Variants in TGM5 observed in about 807,000 individuals in gnomAD.
The protein encoded by TGM5 is protein-glutamine gamma-glutamyltransferase 5.
TGM5 carries 69 observed loss-of-function variants against 77.2 expected under a neutral mutation model. That is an observed-to-expected ratio of 0.89 (90% CI 0.74 to 1.09). The LOEUF is 1.09. Ranked by LOEUF, TGM5 falls within the 50% of genes least tolerant of loss-of-function variation. The pLI is 0.00. For synonymous variants in TGM5, 346 were observed against 351.8 expected, an observed-to-expected ratio of 0.98 and a Z score of 0.18; for missense variants, 842 against 896.5, an observed-to-expected ratio of 0.94 and a Z score of 0.78.
In TGM5 at chr15:43,235,612, C is replaced by CAT. The variant is rs752629588; in HGVS notation, c.1569_1570dup (p.Cys524TyrfsTer19). 14 of 1,614,068 alleles carry CAT rather than the reference C, an allele frequency of 8.7e-6. No individual in the cohort carries two copies. Among genetic ancestry groups the CAT allele is most frequent in the Admixed American group, 1.7e-5 (1 of 60,004 alleles). Reference sequence around the variant, plus strand: ...CATGTTGAGGGCCAGCAGGACAAAGCATATATCCTGGCCCATGTTGGGCGG... The same window carrying CAT: ...CATGTTGAGGGCCAGCAGGACAAAGCATATATATCCTGGCCCATGTTGGGCGG... On this transcript the variant is annotated frameshift_variant, in exon 10 of 13. Coordinates refer to ENST00000220420, the MANE Select transcript of TGM5 (RefSeq NM_201631.4). LOFTEE classifies it high-confidence loss of function.
chr15:43,234,944 CA>C lies in TGM5; in HGVS notation c.1715-16del, dbSNP rs2042577218. On this transcript the variant is annotated splice_polypyrimidine_tract_variant and intron_variant, in intron 10 of 12. Transcript: ENST00000220420. Reference sequence around the variant, plus strand: ...GTAGGTCTTTGCTAAAGAAAGAACACAAGGATGGGGTGAGAGTAGCTGAGAA... The same window carrying C: ...GTAGGTCTTTGCTAAAGAAAGAACACAGGATGGGGTGAGAGTAGCTGAGAA... The C allele has an allele frequency of 8.1e-6, 13 of 1,613,566 alleles. No homozygotes were observed. In the East Asian group the frequency reaches 2.5e-4, roughly 30 times the overall value.
chr15:43,257,255 G>T (rs894835293), intron 3 of TGM5, among the ~76,000 whole-genome samples: 5 of 152,140 alleles, frequency 3.3e-5, no homozygotes, highest in African/African-American at 1.2e-4. Flanking sequence ...TGTTATTGGG[G>T]AGTAGTTAGA....
At position 43,241,719 on chromosome 15, in the gene TGM5, C is replaced by T. The variant is rs1332508257; in HGVS notation, c.863-729G>A. Among the ~76,000 whole-genome samples the T allele has an allele frequency of 1.8e-4, 27 of 152,194 alleles. No individual in the cohort carries two copies. The East Asian group carries it at 4.4e-3, about 25-fold the overall frequency. ...AAAAAAATCGCACTCCAGCCTCCTC[C>T]TCCTCCCGGGTTCAAGCAATTCTCC... On this transcript the variant is annotated intron_variant, in intron 6 of 12. Coordinates refer to ENST00000220420, the MANE Select transcript of TGM5 (RefSeq NM_201631.4).
At chr15:43,262,884 A>G (rs1408526109) in intron 1 of TGM5, among the ~76,000 whole-genome samples, 1 of 152,252 alleles carries the variant, frequency 6.6e-6, no homozygotes, top group Admixed American at 6.5e-5. Context: ...AGCTAGGGCT[A>G]TTAGGCAAAA....
chr15:43,252,774 C>G lies in TGM5; in HGVS notation c.847G>C (p.Ala283Pro). The G allele has an allele frequency of 1.2e-6, 2 of 1,614,004 alleles. No individual in the cohort carries two copies. The highest frequency in any genetic ancestry group is 1.7e-6 in the Non-Finnish European group (2 of 1,180,044). ...VRYGQCWVFA[A>P]VMCTVMRCLG... ...TACCTCCTACCTGTGCACATGACGGCAGCAAAGACCCAGCATTGCCCGTAG... is the reference window on the plus strand; with the variant it reads ...TACCTCCTACCTGTGCACATGACGGGAGCAAAGACCCAGCATTGCCCGTAG... Residue 283 changes from alanine (A) to proline (P), a missense_variant, in exon 6 of 13, where the codon GCC (alanine) becomes CCC (proline). Physicochemically the swap from Ala to Pro is conservative, Grantham distance 27. Around this residue, in one of 2 missense-constraint regions of TGM5, gnomAD observed 815 missense variants for 844.6 expected, o/e 0.96. Transcript: ENST00000220420.
chr15:43,239,821 G>A (rs2142359426), intron 7 of TGM5: 1 of 171,038 alleles, frequency 5.8e-6, no homozygotes, highest in African/African-American at 2.4e-5. Flanking sequence ...ACTGTCTCAT[G>A]AAACAGTCTT....
chr15:43,264,606 G>A (rs1456395202), intron 1 of TGM5, among the ~76,000 whole-genome samples: 3 of 152,174 alleles, frequency 2.0e-5, no homozygotes. Context: ...CTTGCTAGGA[G>A]CTAAAGAAAG....
intron 5 of TGM5, 52 bp from the exon 6 acceptor site, chr15:43,252,988 G>A (rs755284716): frequency 1.3e-6 from 2 of 1,591,158 alleles, no homozygotes; most frequent in East Asian, 2.2e-5. Flanking sequence ...TCCTCAACAT[G>A]CCATGTGTGG....
chr15:43,252,187 TG>T (rs1307765537), intron 6 of TGM5, among the ~76,000 whole-genome samples: 1 of 152,242 alleles, frequency 6.6e-6, no homozygotes, highest in African/African-American at 2.4e-5. Context: ...AGGAATATGC[TG>T]GTAAGTTGCC....
rs559449025 is a variant in TGM5 at position 43,241,925 on chromosome 15, C to T, written c.863-935G>A. 3.3e-5 allele frequency among the ~76,000 whole-genome samples: 5 copies of T among 152,282 alleles called. No homozygotes were observed. The South Asian group carries it at 6.2e-4, about 19-fold the overall frequency. On this transcript the variant is annotated intron_variant, in intron 6 of 12. Coordinates refer to ENST00000220420, the MANE Select transcript of TGM5 (RefSeq NM_201631.4). Reference sequence around the variant, plus strand: ...AAAGTGCTGGGATTACAGGCGTGAGCCACCGCGCCCGGCCTCTGTGCTCTT... The same window carrying T: ...AAAGTGCTGGGATTACAGGCGTGAGTCACCGCGCCCGGCCTCTGTGCTCTT...
chr15:43,261,068 G>T (rs866084321), intron 1 of TGM5, among the ~76,000 whole-genome samples: 13,135 of 32,744 alleles, frequency 0.4, 3,044 homozygotes, highest in African/African-American at 0.66. Flanking sequence ...TCCTTTTTTT[G>T]TGTGTGTGTT....
intron 6 of TGM5, chr15:43,247,925 A>G (rs190077433): frequency 4.9e-4 from 75 of 152,344 alleles, no homozygotes; most frequent in African/African-American, 1.7e-3. Flanking sequence ...AGTGCTACAT[A>G]TTAAACACAT....
chr15:43,261,082 T>TTTTTTTTTTTTTTTG (rs2042784875), intron 1 of TGM5, among the ~76,000 whole-genome samples: 1 of 102,524 alleles, frequency 9.8e-6, no homozygotes, highest in African/African-American at 4.0e-5. Context: ...GTGTGTTTTT[T>TTTTTTTTTTTTTTTG]TTTTTTTTTT....
chr15:43,261,145 A>G (rs2042788141), intron 1 of TGM5, among the ~76,000 whole-genome samples: 1 of 123,918 alleles, frequency 8.1e-6, no homozygotes, highest in South Asian at 2.8e-4. Context: ...GCTGCTGTGC[A>G]GTGGCACGAT....
rs886051171 is a variant in TGM5 at position 43,240,935 on chromosome 15, G to A, written c.918C>T (p.His306=). 37 of 1,613,948 alleles carry A rather than the reference G, an allele frequency of 2.3e-5. No homozygotes were observed. The highest frequency in any genetic ancestry group is 1.1e-4 in the East Asian group (5 of 44,888). ...CTATGATCAGGTTTCCATCTGTATC[G>A]TGGCCAGAGTCGAAGTTGGTGATCA... The part of the protein sequence containing the change: ...TRVITNFDSG[H]DTDGNLIIDE... Residue 306 remains histidine, a synonymous_variant, in exon 7 of 13, where the codon CAC becomes CAT. Transcript: ENST00000220420.
intron 1 of TGM5, 87 bp downstream of exon 1, chr15:43,266,753 G>T: frequency 6.5e-7 from 1 of 1,531,008 alleles, no homozygotes; most frequent in Non-Finnish European, 9.1e-7. Context: ...TTATTTCTCT[G>T]AATCCACCCT....
At chr15:43,248,809 A>G (rs2042685452) in intron 6 of TGM5, among the ~76,000 whole-genome samples, 1 of 152,200 alleles carries the variant, frequency 6.6e-6, no homozygotes, top group Non-Finnish European at 1.5e-5. Context: ...AATGAGAACA[A>G]GAGTTATTGT....
chr15:43,254,338 A>G (rs1427321469), intron 4 of TGM5, among the ~76,000 whole-genome samples: 1 of 152,154 alleles, frequency 6.6e-6, no homozygotes, highest in Non-Finnish European at 1.5e-5. Context: ...AGCTCTCTTC[A>G]CAACTCTGGA....
At chr15:43,235,337 G>T in intron 10 of TGM5, 132 bp downstream of exon 10, 1 of 1,219,328 alleles carries the variant, frequency 8.2e-7, no homozygotes, top group Non-Finnish European at 1.2e-6. Context: ...AGGGAAGGAG[G>T]GGAATCGTGC....
Sources: gnomAD v4.1 joint callset for allele counts (sites outside exome capture counted in the v4.1 genomes callset) on GRCh38, gnomAD v4.1.1 for gene constraint, gnomAD v4.1.1 regional missense constraint, MANE v1.5 for transcripts, NCBI Gene and HGNC (gene_info 2026-07-23, HGNC 2026-07-21) for gene names.